Variants in NUP62CL observed in about 807,000 individuals in gnomAD.
The protein encoded by NUP62CL is nucleoporin-62 C-terminal-like protein.
In NUP62CL, 13 loss-of-function variants were observed where a neutral mutation model predicts 15.3. The observed-to-expected ratio is 0.85, with a 90% CI of 0.55 to 1.35. NUP62CL has a LOEUF of 1.35. NUP62CL is among the 40% of genes most tolerant of loss of function. The pLI is 0.00. For missense variants in NUP62CL, 123 were observed against 130.6 expected, an observed-to-expected ratio of 0.94 and a Z score of 0.28; for synonymous variants, 54 against 49.2, an observed-to-expected ratio of 1.10 and a Z score of -0.41.
chrX:107,137,576 GT>G (rs1365598580), intron 8 of NUP62CL, among the ~76,000 whole-genome samples: 7 of 111,749 alleles, frequency 6.3e-5, no homozygotes, highest in African/African-American at 2.3e-4. Context: ...CAAAAATTGT[GT>G]TGATTTTACA....
Position 107,124,172 on chromosome X carries a change from C to A in NUP62CL, c.*203G>T. ...CAAGATGAAATATTAAGTATAAATA[C>A]TACTCTATTTAACATCAGAATTTGT... On this transcript the variant is annotated 3_prime_UTR_variant, in exon 9 of 9. Transcript: ENST00000372466. The A allele has an allele frequency of 3.2e-6, 1 of 317,338 alleles. No homozygotes were observed. Among genetic ancestry groups the A allele is most frequent in the South Asian group, 3.0e-5 (1 of 33,515 alleles). 26.2% of individuals were successfully genotyped at this position (317,338 alleles called of 1,213,427 possible).
chrX:107,167,340 A>T (rs1346763375), intron 4 of NUP62CL, among the ~76,000 whole-genome samples: 3 of 112,030 alleles, frequency 2.7e-5, no homozygotes, highest in African/African-American at 9.7e-5. Flanking sequence ...TACTGTGAGG[A>T]TAAATGACAT....
rs1357735116 is a variant in NUP62CL at position 107,166,386 on chromosome X, C to T, written c.194+1263G>A. Among the ~76,000 whole-genome samples, 3 of 111,805 alleles carry T rather than the reference C, an allele frequency of 2.7e-5. No individual in the cohort carries two copies. The Admixed American group carries it at 2.8e-4, about 11-fold the overall frequency. On this transcript the variant is annotated intron_variant, in intron 4 of 8. Coordinates refer to ENST00000372466, the MANE Select transcript of NUP62CL (RefSeq NM_017681.3). ...TATCACTTCACATCTGTCAGAAGGGCTCAAATAAAAAGTAGTGACAACACC... is the reference window on the plus strand; with the variant it reads ...TATCACTTCACATCTGTCAGAAGGGTTCAAATAAAAAGTAGTGACAACACC...
intron 1 of NUP62CL, among the ~76,000 whole-genome samples, chrX:107,199,746 C>T (rs977085716): frequency 1.8e-5 from 2 of 111,718 alleles, no homozygotes; most frequent in African/African-American, 3.3e-5. Flanking sequence ...AAATAGCAAC[C>T]TCTGGCAATA....
chrX:107,166,662 A>G lies in NUP62CL; in HGVS notation c.194+987T>C, dbSNP rs148187737. The stretch of plus-strand genomic sequence containing the variant: ...TCATAATATCCAAAAAACTGGAAAC[A>G]ACCTATATGTCCATCAACAGGTGAA... On this transcript the variant is annotated intron_variant, in intron 4 of 8. Coordinates refer to ENST00000372466, the MANE Select transcript of NUP62CL (RefSeq NM_017681.3). Among the ~76,000 whole-genome samples the G allele has an allele frequency of 6.2e-3, 699 of 112,040 alleles. 9 individuals carry two copies. The highest frequency in any genetic ancestry group is 0.021 in the African/African-American group (647 of 30,887).
chrX:107,205,536 G>C (rs1381366037), intron 1 of NUP62CL, among the ~76,000 whole-genome samples: 1 of 110,876 alleles, frequency 9.0e-6, no homozygotes, highest in African/African-American at 3.3e-5. Flanking sequence ...GAAATGCATG[G>C]TATATAGAAA....
At position 107,175,147 on chromosome X, in the gene NUP62CL, G is replaced by A. The variant is rs775547716; in HGVS notation, c.-1C>T. ...AATTTGATATTGAGGTAAACTGCAT[G>A]GTGCTTGAACTAGTGGTGGTGGCAA... On this transcript the variant is annotated 5_prime_UTR_variant, in exon 3 of 9. Coordinates refer to ENST00000372466, the MANE Select transcript of NUP62CL (RefSeq NM_017681.3). 1.7e-4 allele frequency: 202 copies of A among 1,201,548 alleles called. 1 individual carries two copies. In the South Asian group the frequency reaches 3.4e-3, roughly 20 times the overall value.
intron 1 of NUP62CL, among the ~76,000 whole-genome samples, chrX:107,196,624 T>C (rs1927366704): frequency 9.0e-6 from 1 of 111,629 alleles, no homozygotes; most frequent in Non-Finnish European, 1.9e-5. Flanking sequence ...TTGTTTTTTG[T>C]ATTTTTATAG....
At chrX:107,191,425 T>C (rs6622178) in intron 2 of NUP62CL, among the ~76,000 whole-genome samples, 9 of 109,527 alleles carry the variant, frequency 8.2e-5, no homozygotes, top group African/African-American at 2.3e-4. Context: ...AAAGGACTTA[T>C]ATGGCCGGGC....
chrX:107,194,809 C>T (rs868448005), intron 1 of NUP62CL, among the ~76,000 whole-genome samples: 2 of 67,992 alleles, frequency 2.9e-5, no homozygotes, highest in East Asian at 1.2e-3. Flanking sequence ...TTTTCTTTCT[C>T]TCTTTTTTTT....
chrX:107,201,043 G>C (rs1224567075), intron 1 of NUP62CL, among the ~76,000 whole-genome samples: 3 of 111,563 alleles, frequency 2.7e-5, no homozygotes, highest in African/African-American at 9.8e-5. Flanking sequence ...AGGAAAAACA[G>C]ATCTGGCTAA....
At chrX:107,177,396 C>T (rs900121913) in intron 2 of NUP62CL, among the ~76,000 whole-genome samples, 17 of 111,256 alleles carry the variant, frequency 1.5e-4, no homozygotes, top group African/African-American at 5.5e-4. Context: ...TGGCCTAATA[C>T]CCAGAACTTG....
At chrX:107,175,288 T>C in intron 2 of NUP62CL, 95 bp from the exon 3 acceptor site, 1 of 468,333 alleles carries the variant, frequency 2.1e-6, no homozygotes. Flanking sequence ...TATGGAGAAA[T>C]AAAAACAAAG....
intron 4 of NUP62CL, 124 bp from the exon 5 acceptor site, chrX:107,154,370 C>T (rs1170235815): frequency 2.2e-6 from 1 of 461,492 alleles, no homozygotes; most frequent in East Asian, 4.1e-5. Context: ...CCCATACCTG[C>T]TTCCCAAGAA....
rs745973420 is a variant in NUP62CL at position 107,154,110 on chromosome X, C to T, written c.331G>A (p.Glu111Lys). The T allele has an allele frequency of 8.3e-7, 1 of 1,197,625 alleles. No individual in the cohort carries two copies. The highest frequency in any genetic ancestry group is 1.1e-6 in the Non-Finnish European group (1 of 889,774). ...TATTTTCTTACCATCTCACCATTCTCAATCAATGTATGGTCCCAAGCATTG... is the reference window on the plus strand; with the variant it reads ...TATTTTCTTACCATCTCACCATTCTTAATCAATGTATGGTCCCAAGCATTG... ...QVNAWDHTLI[E>K]NGEMIRILHG... Residue 111 changes from glutamate (E) to lysine (K), a missense_variant, in exon 5 of 9, where the codon GAG (glutamate) becomes AAG (lysine). Physicochemically the swap from Glu to Lys is moderately conservative, Grantham distance 56 (BLOSUM62 1). Transcript: ENST00000372466.
chrX:107,153,415 G>A, intron 6 of NUP62CL, 39 bp downstream of exon 6: 1 of 1,111,497 alleles, frequency 9.0e-7, no homozygotes, highest in Non-Finnish European at 1.2e-6. Context: ...TAAAAAGATA[G>A]GTCTTTAATC....
chrX:107,128,884 A>C (rs1241885109), intron 8 of NUP62CL, among the ~76,000 whole-genome samples: 2 of 112,260 alleles, frequency 1.8e-5, no homozygotes, highest in East Asian at 5.6e-4. Context: ...CAAATTTATC[A>C]TTGGACAATG....
At chrX:107,141,626 A>G (rs1162755976) in intron 8 of NUP62CL, among the ~76,000 whole-genome samples, 1 of 112,125 alleles carries the variant, frequency 8.9e-6, no homozygotes, top group African/African-American at 3.2e-5. Context: ...TAAATGAAAC[A>G]ACCTTGCTCA....
intron 2 of NUP62CL, among the ~76,000 whole-genome samples, chrX:107,181,900 C>T (rs1413167065): frequency 8.9e-6 from 1 of 112,195 alleles, no homozygotes; most frequent in Admixed American, 9.5e-5. Flanking sequence ...TATTTCCCAA[C>T]TGCTATTGCT....
Sources: allele counts gnomAD v4.1 joint callset (sites outside exome capture counted in the v4.1 genomes callset), GRCh38; gene constraint gnomAD v4.1.1; transcripts MANE v1.5; gene names NCBI Gene and HGNC (gene_info 2026-07-23, HGNC 2026-07-21).